The following ARAP2 variants were observed in gnomAD, a reference collection of about 807,000 sequenced individuals.
The protein encoded by ARAP2 is ArfGAP with RhoGAP domain, ankyrin repeat and PH domain 2.
In ARAP2, 148 loss-of-function variants were observed where a neutral mutation model predicts 194.5. The ratio of observed to expected loss-of-function variants is 0.76; its 90% CI spans 0.67 to 0.87. The LOEUF (loss-of-function observed/expected upper bound fraction) is 0.87, where lower values mean the gene tolerates loss of function less well. Among genes scored for constraint, ARAP2 ranks in the 40% least tolerant of loss-of-function variants. The probability of loss-of-function intolerance (pLI) is 0.00; values close to 1 mark genes in which losing one functional copy is unlikely to be tolerated. For missense variants in ARAP2, 2,128 were observed against 1,989.7 expected, an observed-to-expected ratio of 1.07 and a Z score of -1.32; for synonymous variants, 695 against 683.5, an observed-to-expected ratio of 1.02 and a Z score of -0.26.
intron 6 of ARAP2, among the ~76,000 whole-genome samples, chr4:36,206,513 A>T (rs1392303603): frequency 6.6e-6 from 1 of 152,148 alleles, no homozygotes; most frequent in Non-Finnish European, 1.5e-5. Flanking sequence ...CATTTTACCT[A>T]AAAATGCCAG....
At chr4:36,152,537 G>C (rs1731241545) in intron 15 of ARAP2, among the ~76,000 whole-genome samples, 1 of 152,038 alleles carries the variant, frequency 6.6e-6, no homozygotes, top group East Asian at 1.9e-4. Flanking sequence ...GCATAGATTA[G>C]GAGATCCACC....
rs777227284 is a variant in ARAP2, at chr4:36,068,278, T to C, written c.4744A>G (p.Ser1582Gly). 9.9e-6 allele frequency: 15 copies of C among 1,517,576 alleles called. No homozygotes were observed. The highest frequency in any genetic ancestry group is 2.7e-5 in the South Asian group (2 of 75,192). The allele number at this position is 1,517,576 out of a possible 1,614,324, so 94.0% of individuals were successfully genotyped here. A position where few individuals can be genotyped will look rare whatever the true frequency, so the allele number is the denominator to read the frequency against. The change falls in exon 33 of 33, where the codon AGT becomes GGT. Residue 1582 changes from serine to glycine, a missense_variant and splice_region_variant. Ser to Gly is a moderately conservative substitution (Grantham distance 56). Coordinates refer to ENST00000303965, the MANE Select transcript of ARAP2 (RefSeq NM_015230.4). Reference sequence around the variant, plus strand: ...AGCCTTTCAAGTTCTGCTCTTGCACTCTAAAAATAAAATTAAATGTCTCAC... The same window carrying C: ...AGCCTTTCAAGTTCTGCTCTTGCACCCTAAAAATAAAATTAAATGTCTCAC... ...NATLARKNIE[S>G]ARAELERLRL...
In ARAP2 at chr4:36,159,502, G is replaced by A. The variant is rs1227593413; in HGVS notation, c.2446C>T (p.Leu816=). The A allele has an allele frequency of 2.0e-6, 3 of 1,526,878 alleles. No individual in the cohort carries two copies. In the African/African-American group the frequency reaches 4.2e-5, roughly 21 times the overall value. The allele number at this position is 1,526,878 out of a possible 1,614,324, so 94.6% of individuals were successfully genotyped here. Residue 816 remains leucine (L), a synonymous_variant, in exon 14 of 33, where the codon CTA becomes TTA. Transcript: ENST00000303965. ...TCCGGTTTCACTACAGCAGCACATA[G>A]AGCCTGGTCATTAAAAGAAAATATA... ...SLTKEELNKA[L]CAAVVKPDVL...
chr4:36,165,156 A>T, intron 10 of ARAP2, 43 bp from the exon 11 acceptor site: 1 of 1,586,068 alleles, frequency 6.3e-7, no homozygotes, highest in Non-Finnish European at 8.6e-7. Context: ...TCCCTTGTAA[A>T]GGCCAATTAA....
intron 2 of ARAP2, among the ~76,000 whole-genome samples, chr4:36,223,855 T>C (rs1475761702): frequency 1.3e-5 from 2 of 152,096 alleles, no homozygotes; most frequent in Non-Finnish European, 2.9e-5. Context: ...ACTTTTAGTA[T>C]CCAGAACGAT....
At position 36,228,483 on chromosome 4, in the gene ARAP2, C is replaced by T. The variant is rs772982556; in HGVS notation, c.905+99G>A. 1.2e-4 allele frequency: 153 copies of T among 1,266,598 alleles called. 1 individual carries two copies. The highest frequency in any genetic ancestry group is 9.0e-5 in the African/African-American group (6 of 66,372). 78.5% of individuals were successfully genotyped at this position (1,266,598 alleles called of 1,614,324 possible). On this transcript the variant is annotated intron_variant, in intron 2 of 32. Transcript: ENST00000303965. The stretch of plus-strand genomic sequence containing the variant: ...GGTTGGTTGAATAGGTAAATGAATA[C>T]AGTCAAATTTAGATAGGAACACTGA...
chr4:36,006,394 G>A (rs1031389829), intron 10 of ARAP2: 6 of 152,186 alleles, frequency 3.9e-5, no homozygotes, highest in Admixed American at 2.6e-4. Flanking sequence ...TGACTCATGA[G>A]TTGATAGCAT....
chr4:36,135,785 TTATC>T (rs1160212520), intron 19 of ARAP2, among the ~76,000 whole-genome samples: 3 of 151,792 alleles, frequency 2.0e-5, no homozygotes, highest in African/African-American at 7.2e-5. Context: ...TTTACATAAT[TTATC>T]TAATAATTCA....
chr4:36,022,720 G>C (rs949148579), intron 5 of ARAP2, among the ~76,000 whole-genome samples: 10 of 152,130 alleles, frequency 6.6e-5, no homozygotes, highest in Non-Finnish European at 1.3e-4. Context: ...AAGAGTTTAA[G>C]TTTAAGAAAA....
chr4:36,082,014 T>C (rs1303450243), intron 30 of ARAP2, among the ~76,000 whole-genome samples: 1 of 152,082 alleles, frequency 6.6e-6, no homozygotes, highest in African/African-American at 2.4e-5. Flanking sequence ...ATAATAACTA[T>C]GGAAGAAATC....
intron 8 of ARAP2, among the ~76,000 whole-genome samples, chr4:36,182,552 G>A (rs1739542152): frequency 1.3e-5 from 2 of 151,458 alleles, no homozygotes. Flanking sequence ...AATCCATGGA[G>A]CGTAAAGTGA....
At chr4:36,243,772 G>A (rs1318441007) in intron 1 of ARAP2, 1 of 152,240 alleles carries the variant, frequency 6.6e-6, no homozygotes, top group African/African-American at 2.4e-5. Context: ...TAACAGGCCA[G>A]TCGTCTTAAC....
intron 26 of ARAP2, among the ~76,000 whole-genome samples, chr4:36,112,503 G>A (rs895009702): frequency 2.0e-5 from 3 of 151,872 alleles, no homozygotes; most frequent in Non-Finnish European, 4.4e-5. Flanking sequence ...CAATAATGCT[G>A]ACAGTTAATC....
intron 29 of ARAP2, among the ~76,000 whole-genome samples, chr4:36,082,779 A>G (rs1729870284): frequency 6.6e-6 from 1 of 152,172 alleles, no homozygotes; most frequent in Admixed American, 6.6e-5. Flanking sequence ...TTAGCTAATC[A>G]AAGTAACCTG....
At chr4:36,131,369 ATATT>A (rs1471506316) in intron 20 of ARAP2, among the ~76,000 whole-genome samples, 1 of 150,244 alleles carries the variant, frequency 6.7e-6, no homozygotes, top group Non-Finnish European at 1.5e-5. Context: ...AATATGACAC[ATATT>A]TATATATAAT....
chr4:36,158,549 T>C (rs1202918757), intron 15 of ARAP2, among the ~76,000 whole-genome samples, 181 bp downstream of exon 15: 2 of 152,160 alleles, frequency 1.3e-5, no homozygotes, highest in Non-Finnish European at 2.9e-5. Context: ...CAACCAATGG[T>C]AAATCCCTGC....
chr4:36,125,208 A>G (rs1723604216), intron 21 of ARAP2, among the ~76,000 whole-genome samples: 1 of 151,986 alleles, frequency 6.6e-6, no homozygotes, highest in South Asian at 2.1e-4. Flanking sequence ...TTTAAAATAA[A>G]GAACTTTTAA....
At chr4:36,052,615 C>A (rs1475762160) in intron 2 of ARAP2, among the ~76,000 whole-genome samples, 1 of 152,174 alleles carries the variant, frequency 6.6e-6, no homozygotes, top group Non-Finnish European at 1.5e-5. Flanking sequence ...GAACTTGCAG[C>A]AAATTTGAAA....
intron 19 of ARAP2, among the ~76,000 whole-genome samples, chr4:36,137,377 T>C (rs1054600974): frequency 1.3e-5 from 2 of 151,858 alleles, no homozygotes; most frequent in Admixed American, 1.3e-4. Flanking sequence ...CTTAGTACAA[T>C]GAGCAGAGAA....
Sources: allele counts gnomAD v4.1 joint callset (sites outside exome capture counted in the v4.1 genomes callset), GRCh38; gene constraint gnomAD v4.1.1; transcripts MANE v1.5; gene names NCBI Gene and HGNC (gene_info 2026-07-23, HGNC 2026-07-21).